The following AUTS2 variants were observed in gnomAD, a reference collection of about 807,000 sequenced individuals.
AUTS2 encodes autism susceptibility gene 2 protein.
AUTS2 carries 17 observed loss-of-function variants against 112.4 expected under a neutral mutation model. The ratio of observed to expected loss-of-function variants is 0.15; its 90% confidence interval spans 0.10 to 0.23. The LOEUF is 0.23. Among genes scored for constraint, AUTS2 ranks in the 10% least tolerant of loss-of-function variants. The pLI, the probability that AUTS2 is intolerant of heterozygous loss-of-function variation, is 1.00. For missense variants in AUTS2, 1,510 were observed against 1,701.6 expected, an observed-to-expected ratio of 0.89 and a Z score of 1.98; for synonymous variants, 751 against 702.7, an observed-to-expected ratio of 1.07 and a Z score of -1.09.
At chr7:70,383,447 C>T (rs1218365962) in intron 4 of AUTS2, among the ~76,000 whole-genome samples, 1 of 152,206 alleles carries the variant, frequency 6.6e-6, no homozygotes, top group Non-Finnish European at 1.5e-5. Flanking sequence ...CCCCCATTGC[C>T]TGTAAGAAAG....
At chr7:70,132,065 C>A (rs1806300718) in intron 3 of AUTS2, among the ~76,000 whole-genome samples, 1 of 150,938 alleles carries the variant, frequency 6.6e-6, no homozygotes, top group Non-Finnish European at 1.5e-5. Flanking sequence ...AATGTCAATG[C>A]CATGGACATT....
At chr7:69,914,649 C>T (rs550893726) in intron 2 of AUTS2, among the ~76,000 whole-genome samples, 43 of 151,614 alleles carry the variant, frequency 2.8e-4, no homozygotes, top group African/African-American at 9.7e-4. Flanking sequence ...AAAACCATAG[C>T]CTTCCATCTT....
chr7:69,656,207 G>A (rs1043668322), intron 1 of AUTS2, among the ~76,000 whole-genome samples: 3 of 152,192 alleles, frequency 2.0e-5, no homozygotes, highest in African/African-American at 7.2e-5. Flanking sequence ...GACCACAACA[G>A]TGACATAGCT....
intron 2 of AUTS2, among the ~76,000 whole-genome samples, chr7:69,969,013 C>G (rs914194700): frequency 2.6e-5 from 4 of 152,044 alleles, no homozygotes; most frequent in African/African-American, 4.8e-5. Context: ...AAAATATTAT[C>G]TATTCATGCA....
At chr7:70,422,982 C>T (rs372353190) in intron 4 of AUTS2, among the ~76,000 whole-genome samples, 3 of 152,158 alleles carry the variant, frequency 2.0e-5, no homozygotes, top group Admixed American at 1.3e-4. Flanking sequence ...TTCTAGGTAC[C>T]AGCTTCAAGT....
chr7:70,581,689 C>A (rs17141782), intron 5 of AUTS2, among the ~76,000 whole-genome samples: 37,691 of 152,112 alleles, frequency 0.25, 4,729 homozygotes, highest in Middle Eastern at 0.3. Flanking sequence ...TAGCCTTAAC[C>A]AAGAACAGAC....
intron 1 of AUTS2, among the ~76,000 whole-genome samples, chr7:69,681,186 G>C (rs1240423469): frequency 6.6e-6 from 1 of 152,098 alleles, no homozygotes; most frequent in African/African-American, 2.4e-5. Flanking sequence ...TCACCTCTTG[G>C]CTATTGTGAA....
intron 1 of AUTS2, among the ~76,000 whole-genome samples, chr7:69,800,321 G>C (rs1263756568): frequency 6.6e-6 from 1 of 152,194 alleles, no homozygotes; most frequent in Non-Finnish European, 1.5e-5. Flanking sequence ...AATCAAGGCA[G>C]AATGACTAGA....
At chr7:70,688,158 A>G (rs144737526) in intron 5 of AUTS2, among the ~76,000 whole-genome samples, 1 of 152,300 alleles carries the variant, frequency 6.6e-6, no homozygotes, top group African/African-American at 2.4e-5. Context: ...CTTATCAGTT[A>G]CCCAGACACT....
chr7:69,617,230 C>G (rs940916074), intron 1 of AUTS2, among the ~76,000 whole-genome samples: 7 of 152,046 alleles, frequency 4.6e-5, no homozygotes, highest in African/African-American at 1.7e-4. Context: ...GGAGTTTGCA[C>G]CATCTCCTCA....
intron 5 of AUTS2, 24 bp downstream of exon 5, chr7:70,435,805 T>C: frequency 6.2e-7 from 1 of 1,612,246 alleles, no homozygotes; most frequent in Non-Finnish European, 8.5e-7. Context: ...TCCCCCATTG[T>C]GGGCACAGCA....
chr7:70,622,141 A>G (rs1481693270), intron 5 of AUTS2, among the ~76,000 whole-genome samples: 1 of 152,032 alleles, frequency 6.6e-6, no homozygotes, highest in Non-Finnish European at 1.5e-5. Context: ...CCTGGCTAGC[A>G]TAGTCATTCT....
chr7:70,387,870 G>A (rs1022537607), intron 4 of AUTS2, among the ~76,000 whole-genome samples: 4 of 152,018 alleles, frequency 2.6e-5, no homozygotes, highest in African/African-American at 7.2e-5. Flanking sequence ...TCTACGTTAC[G>A]GCCAGATAGC....
intron 4 of AUTS2, among the ~76,000 whole-genome samples, chr7:70,212,067 A>C (rs1810937227): frequency 6.6e-6 from 1 of 152,172 alleles, no homozygotes; most frequent in Admixed American, 6.5e-5. Context: ...AACTACTCAT[A>C]CCTGTGGGGG....
chr7:70,126,076 A>G (rs535812159), intron 3 of AUTS2, among the ~76,000 whole-genome samples: 12 of 152,326 alleles, frequency 7.9e-5, no homozygotes, highest in African/African-American at 2.6e-4. Flanking sequence ...ATAAGAATAA[A>G]GAATTCCAGT....
intron 5 of AUTS2, among the ~76,000 whole-genome samples, chr7:70,594,708 A>G (rs888374791): frequency 1.3e-4 from 20 of 152,184 alleles, no homozygotes; most frequent in Non-Finnish European, 2.4e-4. Flanking sequence ...AAAGGCCAGA[A>G]TAGACTCAGC....
chr7:69,757,508 G>A (rs1300832356), intron 1 of AUTS2, among the ~76,000 whole-genome samples: 2 of 152,160 alleles, frequency 1.3e-5, no homozygotes, highest in Non-Finnish European at 2.9e-5. Context: ...CTTGAAATTA[G>A]ATCAGATTCC....
intron 4 of AUTS2, among the ~76,000 whole-genome samples, chr7:70,212,536 T>C (rs1384868451): frequency 6.6e-6 from 1 of 152,218 alleles, no homozygotes; most frequent in African/African-American, 2.4e-5. Context: ...CCTAAAAAAT[T>C]GGATAACTCC....
intron 1 of AUTS2, among the ~76,000 whole-genome samples, chr7:69,869,067 A>C (rs1793364162): frequency 6.6e-6 from 1 of 152,128 alleles, no homozygotes; most frequent in Non-Finnish European, 1.5e-5. Flanking sequence ...TTGACCTGTG[A>C]GTTTGAAGTA....
Sources: allele counts gnomAD v4.1 joint callset (sites outside exome capture counted in the v4.1 genomes callset), GRCh38; gene constraint gnomAD v4.1.1; transcripts MANE v1.5; gene names NCBI Gene and HGNC (gene_info 2026-07-23, HGNC 2026-07-21).